The following AR variants were observed in gnomAD, a reference collection of about 807,000 sequenced individuals.
AR encodes the protein androgen receptor.
In AR, 8 loss-of-function variants were observed where a neutral mutation model predicts 53.9. The observed-to-expected ratio is 0.15, with a 90% CI of 0.09 to 0.27. The LOEUF (loss-of-function observed/expected upper bound fraction) is 0.27. Ranked by LOEUF, AR falls within the 10% of genes least tolerant of loss-of-function variation. AR has a pLI of 1.00. For synonymous variants in AR, 359 were observed against 316.4 expected, an observed-to-expected ratio of 1.13 and a Z score of -1.43; for missense variants, 639 against 742.5, an observed-to-expected ratio of 0.86 and a Z score of 1.62.
At chrX:67,649,546 G>C (rs1324582588) in intron 2 of AR, among the ~76,000 whole-genome samples, 1 of 111,975 alleles carries the variant, frequency 8.9e-6, no homozygotes, top group African/African-American at 3.2e-5. Context: ...GTTGTTTCCT[G>C]ACTTTTTAAT....
intron 2 of AR, among the ~76,000 whole-genome samples, chrX:67,654,348 A>G (rs778075857): frequency 2.3e-4 from 26 of 111,344 alleles, no homozygotes; most frequent in African/African-American, 7.5e-4. Context: ...CAGGTAAAGG[A>G]GGCCTTGGGT....
intron 1 of AR, among the ~76,000 whole-genome samples, chrX:67,583,873 T>C (rs1056361146): frequency 8.9e-6 from 1 of 111,872 alleles, no homozygotes; most frequent in Non-Finnish European, 1.9e-5. Flanking sequence ...AGGTATTGTC[T>C]GACCCCTAGA....
At chrX:67,689,203 TTGTC>T (rs2075982771) in intron 3 of AR, among the ~76,000 whole-genome samples, 2 of 111,503 alleles carry the variant, frequency 1.8e-5, no homozygotes, top group East Asian at 5.7e-4. Flanking sequence ...CTTTCTTAGA[TTGTC>T]TGTTCCCTGC....
intron 1 of AR, among the ~76,000 whole-genome samples, chrX:67,563,566 C>G (rs1380062915): frequency 8.9e-6 from 1 of 111,858 alleles, no homozygotes; most frequent in East Asian, 2.8e-4. Context: ...CATACATGGG[C>G]TTTTCCCCAG....
Position 67,694,794 on chromosome X carries a change from C to T in AR, c.1885+8668C>T, listed in dbSNP as rs139374285. ...TAGTGGATAGTCTGGAGAAACCTGG[C>T]GTCTGAGGCTTAGGAGCTTAGGTTT... On this transcript the variant is annotated intron_variant, in intron 3 of 7. Coordinates refer to ENST00000374690, the MANE Select transcript of AR (RefSeq NM_000044.6). 1,127 of 1,132,221 alleles carry T rather than the reference C, an allele frequency of 1.0e-3. 9 individuals carry two copies. The East Asian group carries it at 0.034, about 34-fold the overall frequency. The allele number at this position is 1,132,221 out of a possible 1,213,427, so 93.3% of individuals were successfully genotyped here.
chrX:67,627,056 G>T (rs1213122934), intron 1 of AR, among the ~76,000 whole-genome samples: 5 of 107,979 alleles, frequency 4.6e-5, no homozygotes, highest in Admixed American at 2.0e-4. Flanking sequence ...TTGGTTCCAA[G>T]TCTTTGCTAT....
chrX:67,640,453 C>CT (rs1158277791), intron 1 of AR, among the ~76,000 whole-genome samples: 2 of 111,190 alleles, frequency 1.8e-5, no homozygotes, highest in African/African-American at 3.3e-5. Context: ...TGGTTCTGGA[C>CT]TTTTTTTGGT....
chrX:67,637,293 C>T (rs1457406596), intron 1 of AR, among the ~76,000 whole-genome samples: 1 of 103,787 alleles, frequency 9.6e-6, no homozygotes, highest in African/African-American at 3.5e-5. Flanking sequence ...CGTCATTTAG[C>T]ATTAGGTATA....
At chrX:67,682,520 T>C (rs990909344) in intron 2 of AR, among the ~76,000 whole-genome samples, 4 of 110,545 alleles carry the variant, frequency 3.6e-5, no homozygotes, top group African/African-American at 1.3e-4. Flanking sequence ...CAAACTCCTG[T>C]GCTCAAGCAA....
chrX:67,701,368 CAT>C (rs1240968253), intron 3 of AR, among the ~76,000 whole-genome samples: 6 of 110,537 alleles, frequency 5.4e-5, no homozygotes, highest in Non-Finnish European at 9.5e-5. Context: ...GCCAATGTAA[CAT>C]AGGGAATTCT....
At chrX:67,617,433 G>T (rs1475411833) in intron 1 of AR, among the ~76,000 whole-genome samples, 1 of 111,550 alleles carries the variant, frequency 9.0e-6, no homozygotes, top group Admixed American at 9.5e-5. Flanking sequence ...TTGACAGAAA[G>T]GATGATAATG....
chrX:67,683,156 T>C (rs1265231387), intron 2 of AR, among the ~76,000 whole-genome samples: 3 of 112,114 alleles, frequency 2.7e-5, no homozygotes, highest in African/African-American at 9.7e-5. Flanking sequence ...TACACACATG[T>C]ACATTAGCAT....
chrX:67,683,745 C>T (rs1006999003), intron 2 of AR, among the ~76,000 whole-genome samples: 1 of 112,091 alleles, frequency 8.9e-6, no homozygotes, highest in East Asian at 2.8e-4. Context: ...TTTGGTTGTA[C>T]TGGGCTTTTG....
chrX:67,575,170 G>A (rs1953508578), intron 1 of AR, among the ~76,000 whole-genome samples: 1 of 111,190 alleles, frequency 9.0e-6, no homozygotes, highest in Admixed American at 9.6e-5. Flanking sequence ...GAGTGGAGCA[G>A]GTTGGGGATA....
At chrX:67,633,674 A>G (rs1446615826) in intron 1 of AR, among the ~76,000 whole-genome samples, 1 of 111,993 alleles carries the variant, frequency 8.9e-6, no homozygotes, top group Non-Finnish European at 1.9e-5. Flanking sequence ...AATGTCCACC[A>G]ACTGATAAAT....
chrX:67,697,925 G>C (rs750447837), intron 3 of AR, among the ~76,000 whole-genome samples: 19 of 111,680 alleles, frequency 1.7e-4, no homozygotes, highest in Non-Finnish European at 3.6e-4. Flanking sequence ...TTGGAGTCCT[G>C]GTGGTACAGA....
intron 1 of AR, among the ~76,000 whole-genome samples, chrX:67,576,737 C>A (rs1248624466): frequency 9.0e-6 from 1 of 110,638 alleles, no homozygotes; most frequent in Non-Finnish European, 1.9e-5. Flanking sequence ...AGAGAAAGCC[C>A]TACTCAGGTA....
intron 1 of AR, among the ~76,000 whole-genome samples, chrX:67,637,865 G>A (rs918327111): frequency 9.1e-6 from 1 of 110,434 alleles, no homozygotes; most frequent in African/African-American, 3.3e-5. Flanking sequence ...TGGGGTACAT[G>A]TGCAGAATGT....
At chrX:67,720,751 G>A (rs1246331636) in intron 5 of AR, among the ~76,000 whole-genome samples, 1 of 110,581 alleles carries the variant, frequency 9.0e-6, no homozygotes, top group Non-Finnish European at 1.9e-5. Flanking sequence ...GAGTAGGCTA[G>A]TGGCTTGGAA....
Sources: gnomAD v4.1 joint callset for allele counts (sites outside exome capture counted in the v4.1 genomes callset) on GRCh38, gnomAD v4.1.1 for gene constraint, MANE v1.5 for transcripts, NCBI Gene and HGNC (gene_info 2026-07-23, HGNC 2026-07-21) for gene names.